The following MAD1L1 variants were observed in gnomAD, a reference collection of about 807,000 sequenced individuals.
MAD1L1 encodes the protein mitotic arrest deficient 1 like 1, also known as mitotic spindle assembly checkpoint protein MAD1.
In MAD1L1, 95 loss-of-function variants were observed where a neutral mutation model predicts 96.9. The ratio of observed to expected loss-of-function variants is 0.98; its 90% CI spans 0.83 to 1.16. The LOEUF (loss-of-function observed/expected upper bound fraction) is 1.16. Ranked by LOEUF, MAD1L1 falls within the 50% of genes most tolerant of loss-of-function variation. MAD1L1 has a pLI of 0.00. For synonymous variants in MAD1L1, 473 were observed against 396.6 expected (o/e 1.19, Z -2.29); for missense variants, 1,007 against 954.4 (o/e 1.06, Z -0.73).
At chr7:1,911,554 A>G (rs560905735) in intron 17 of MAD1L1, among the ~76,000 whole-genome samples, 71 of 152,346 alleles carry the variant, frequency 4.7e-4, no homozygotes, top group African/African-American at 1.7e-3. Context: ...TGCTGCCACA[A>G]TGTGGCGGGC....
intron 18 of MAD1L1, chr7:1,849,508 T>C (rs964678411): frequency 1.3e-5 from 2 of 152,242 alleles, no homozygotes; most frequent in African/African-American, 4.8e-5. Context: ...TGCTCAGGGC[T>C]GTCTGCAGGG....
intron 12 of MAD1L1, among the ~76,000 whole-genome samples, 190 bp downstream of exon 12, chr7:2,069,004 G>C (rs1785004440): frequency 6.6e-6 from 1 of 152,220 alleles, no homozygotes; most frequent in South Asian, 2.1e-4. Context: ...CAGGCCCAGA[G>C]AGTCCCACAG....
chr7:2,125,697 C>G (rs1788200557), intron 11 of MAD1L1, among the ~76,000 whole-genome samples: 1 of 152,194 alleles, frequency 6.6e-6, no homozygotes, highest in Non-Finnish European at 1.5e-5. Flanking sequence ...CGCCCAGACA[C>G]CAAGCAGCAC....
chr7:1,846,960 A>T, intron 18 of MAD1L1: 1 of 321,650 alleles, frequency 3.1e-6, no homozygotes, highest in Non-Finnish European at 6.0e-6. Context: ...TTGCGGTGGG[A>T]CGGTCGCCTC....
intron 16 of MAD1L1, among the ~76,000 whole-genome samples, chr7:1,955,051 C>T (rs868513287): frequency 3.7e-4 from 56 of 152,312 alleles, no homozygotes; most frequent in African/African-American, 1.3e-3. Context: ...GGCCTCAGCA[C>T]CGCGGGAGGG....
At chr7:2,080,324 C>A (rs1033816069) in intron 11 of MAD1L1, among the ~76,000 whole-genome samples, 1 of 152,174 alleles carries the variant, frequency 6.6e-6, no homozygotes. Context: ...ATACCCTATA[C>A]CACTACCCTA....
intron 18 of MAD1L1, among the ~76,000 whole-genome samples, chr7:1,824,142 C>T (rs1432451481): frequency 6.6e-6 from 1 of 152,090 alleles, no homozygotes; most frequent in African/African-American, 2.4e-5. Flanking sequence ...TCCCGGCCAC[C>T]AGCACACACC....
chr7:1,947,671 G>A (rs112118167), intron 16 of MAD1L1, among the ~76,000 whole-genome samples: 10 of 151,856 alleles, frequency 6.6e-5, no homozygotes, highest in South Asian at 2.1e-4. Context: ...TTGCCCGCTT[G>A]GCCTTCCCAT....
intron 10 of MAD1L1, among the ~76,000 whole-genome samples, chr7:2,194,788 T>C (rs567462142): frequency 2.6e-5 from 4 of 152,228 alleles, no homozygotes; most frequent in South Asian, 2.1e-4. Context: ...ATTAAAAGTC[T>C]TTGGGCTGGA....
At chr7:2,094,892 G>A (rs190524169) in intron 11 of MAD1L1, among the ~76,000 whole-genome samples, 113 of 152,316 alleles carry the variant, frequency 7.4e-4, no homozygotes, top group African/African-American at 2.5e-3. Flanking sequence ...AGCTGATCAC[G>A]CTGTTTCCTG....
chr7:2,062,494 G>C (rs897653181), intron 12 of MAD1L1, among the ~76,000 whole-genome samples: 2 of 151,890 alleles, frequency 1.3e-5, no homozygotes, highest in Non-Finnish European at 1.5e-5. Flanking sequence ...AGAATTGCTT[G>C]AACCTGGGAG....
chr7:2,142,613 G>T lies in MAD1L1; in HGVS notation c.1073+6539C>A, dbSNP rs906573566. 2.6e-5 allele frequency among the ~76,000 whole-genome samples: 4 copies of T among 152,256 alleles called. No homozygotes were observed. The highest frequency in any genetic ancestry group is 2.9e-5 in the Non-Finnish European group (2 of 68,038). ...CCTGCCACAGCCCTGGACCAGACAGGCATGGCAGGCTGCCACCGTGGAATA... is the reference window on the plus strand; with the variant it reads ...CCTGCCACAGCCCTGGACCAGACAGTCATGGCAGGCTGCCACCGTGGAATA... On this transcript the variant is annotated intron_variant, in intron 11 of 18. Transcript: ENST00000265854. This position sits in a 1 kb window ranked among gnomAD's most constrained non-coding sequence, Gnocchi z 4.7.
Position 2,060,158 on chromosome 7 carries a change from G to A in MAD1L1, c.1218+9036C>T, listed in dbSNP as rs116262333. On this transcript the variant is annotated intron_variant, in intron 12 of 18. Transcript: ENST00000265854. Reference sequence around the variant, plus strand: ...AGATACGCAGATGCCAAGATACGCCGAAGCCGAGATACGCCGATGCCGAGA... The same window carrying A: ...AGATACGCAGATGCCAAGATACGCCAAAGCCGAGATACGCCGATGCCGAGA... Among the ~76,000 whole-genome samples, 356 of 150,042 alleles carry A rather than the reference G, an allele frequency of 2.4e-3. 5 individuals are homozygous for A. The highest frequency in any genetic ancestry group is 8.4e-3 in the African/African-American group (336 of 40,080).
intron 10 of MAD1L1, among the ~76,000 whole-genome samples, chr7:2,185,654 C>T (rs1236127249): frequency 6.6e-6 from 1 of 151,492 alleles, no homozygotes; most frequent in African/African-American, 2.4e-5. Flanking sequence ...TTTTTTAATG[C>T]TTCTAGATTT....
chr7:1,909,778 C>G (rs542107724), intron 17 of MAD1L1, among the ~76,000 whole-genome samples: 193 of 152,340 alleles, frequency 1.3e-3, no homozygotes, highest in Non-Finnish European at 2.0e-3. Flanking sequence ...AGAAGATGGT[C>G]GCTTCAACTC....
chr7:2,165,076 C>A (rs753648487), intron 10 of MAD1L1, among the ~76,000 whole-genome samples: 3 of 152,076 alleles, frequency 2.0e-5, no homozygotes, highest in African/African-American at 7.2e-5. Flanking sequence ...CAGTGGCTCA[C>A]GCCTGTCATC....
In MAD1L1 at chr7:2,019,363, T is replaced by C. The variant is rs542314412; in HGVS notation, c.1219-4721A>G. 1.6e-3 allele frequency among the ~76,000 whole-genome samples: 241 copies of C among 151,992 alleles called. 3 individuals are homozygous for C. Among genetic ancestry groups the C allele is most frequent in the Non-Finnish European group, 1.9e-3 (130 of 67,960 alleles). On this transcript the variant is annotated intron_variant, in intron 12 of 18. Coordinates refer to ENST00000265854, the MANE Select transcript of MAD1L1 (RefSeq NM_001013836.2). ...GCATCCGTGGGGCCCATCGAGAACA[T>C]GATGACAGGCGAAAGCGGCAGTAAT...
chr7:1,816,954 C>G (rs1218695445), intron 18 of MAD1L1: 1 of 152,420 alleles, frequency 6.6e-6, no homozygotes, highest in Non-Finnish European at 1.5e-5. Flanking sequence ...CACAAAGCTC[C>G]CTCTGAAACC....
At chr7:1,822,515 C>G (rs1401275798) in intron 18 of MAD1L1, among the ~76,000 whole-genome samples, 1 of 149,380 alleles carries the variant, frequency 6.7e-6, no homozygotes, top group Non-Finnish European at 1.5e-5. Flanking sequence ...GGTCTTGGCT[C>G]ACTGCAGCCT....
Sources: gnomAD v4.1 joint callset for allele counts (sites outside exome capture counted in the v4.1 genomes callset) on GRCh38, gnomAD v4.1.1 for gene constraint, Gnocchi (gnomAD v3.1) non-coding constraint, MANE v1.5 for transcripts, NCBI Gene and HGNC (gene_info 2026-07-23, HGNC 2026-07-21) for gene names.